Variants in ADAMTS18 observed in about 807,000 individuals in gnomAD.
ADAMTS18 encodes A disintegrin and metalloproteinase with thrombospondin motifs 18.
A neutral mutation model predicts 165.9 loss-of-function variants in ADAMTS18; 157 were observed. That is an observed-to-expected ratio of 0.95 (90% CI 0.83 to 1.08). The LOEUF is 1.08. Ranked by LOEUF, ADAMTS18 falls within the 50% of genes least tolerant of loss-of-function variation. The pLI, the probability that ADAMTS18 is intolerant of heterozygous loss-of-function variation, is 0.00. For synonymous variants in ADAMTS18, 782 were observed against 578.2 expected (o/e 1.35, Z -5.06); for missense variants, 2,040 against 1,534.0 (o/e 1.33, Z -5.51).
chr16:77,379,228 C>G (rs927110589), intron 3 of ADAMTS18, among the ~76,000 whole-genome samples: 1 of 152,074 alleles, frequency 6.6e-6, no homozygotes, highest in African/African-American at 2.4e-5. Flanking sequence ...TAAGGTTCAC[C>G]AATTCAAATG....
intron 10 of ADAMTS18, among the ~76,000 whole-genome samples, chr16:77,347,309 G>A (rs951544207): frequency 6.6e-6 from 1 of 152,132 alleles, no homozygotes; most frequent in Non-Finnish European, 1.5e-5. Context: ...ATTTCAGGTA[G>A]ATACCATGGA....
intron 8 of ADAMTS18, 79 bp from the exon 9 acceptor site, chr16:77,356,156 G>T (rs774923600): frequency 1.5e-4 from 230 of 1,584,540 alleles, no homozygotes; most frequent in Non-Finnish European, 1.9e-4. Flanking sequence ...GAATAAAGAT[G>T]TATTGATCAT....
intron 3 of ADAMTS18, among the ~76,000 whole-genome samples, chr16:77,394,243 G>C (rs1436569071): frequency 6.6e-6 from 1 of 152,160 alleles, no homozygotes; most frequent in African/African-American, 2.4e-5. Context: ...TTTGTTTATG[G>C]ACTATTCATT....
At chr16:77,430,254 T>A (rs546054671) in intron 3 of ADAMTS18, among the ~76,000 whole-genome samples, 21 of 152,330 alleles carry the variant, frequency 1.4e-4, no homozygotes, top group African/African-American at 4.8e-4. Flanking sequence ...GTGAGCCATG[T>A]TCATCATTTT....
chr16:77,340,373 C>T (rs1015610462), intron 11 of ADAMTS18, among the ~76,000 whole-genome samples: 1 of 152,102 alleles, frequency 6.6e-6, no homozygotes, highest in Non-Finnish European at 1.5e-5. Flanking sequence ...CAAGGTTTCA[C>T]CACGTTGGCC....
intron 8 of ADAMTS18, among the ~76,000 whole-genome samples, 155 bp from the exon 9 acceptor site, chr16:77,356,232 T>C (rs968597397): frequency 6.6e-6 from 1 of 152,184 alleles, no homozygotes; most frequent in Admixed American, 6.5e-5. Context: ...TACTATAGAT[T>C]GTTATAAAAT....
intron 3 of ADAMTS18, among the ~76,000 whole-genome samples, chr16:77,401,194 C>A (rs1333303682): frequency 6.6e-6 from 1 of 152,042 alleles, no homozygotes; most frequent in African/African-American, 2.4e-5. Flanking sequence ...ACAGAGGTTG[C>A]GGTGAGCCGA....
intron 19 of ADAMTS18, among the ~76,000 whole-genome samples, chr16:77,293,740 GAGATTCTCATA>G: frequency 6.7e-6 from 1 of 149,140 alleles, no homozygotes; most frequent in East Asian, 2.0e-4. Flanking sequence ...CATCACGCAT[GAGATTCTCATA>G]AGTAACATGC....
At chr16:77,418,331 TAG>T (rs2057556576) in intron 3 of ADAMTS18, among the ~76,000 whole-genome samples, 1 of 152,020 alleles carries the variant, frequency 6.6e-6, no homozygotes, top group Non-Finnish European at 1.5e-5. Flanking sequence ...TCGTAAAGAA[TAG>T]AGTTTGTGAT....
chr16:77,383,896 G>T (rs984798464), intron 3 of ADAMTS18, among the ~76,000 whole-genome samples: 4 of 152,076 alleles, frequency 2.6e-5, no homozygotes, highest in Non-Finnish European at 2.9e-5. Context: ...TGCTTCAAAG[G>T]TCACCTGTTC....
intron 3 of ADAMTS18, among the ~76,000 whole-genome samples, chr16:77,408,696 G>A (rs56065032): frequency 0.12 from 18,495 of 152,158 alleles, 1,418 homozygotes; most frequent in East Asian, 0.22. Flanking sequence ...TATGTCTGTG[G>A]AGTGAGACAA....
intron 22 of ADAMTS18, 68 bp from the exon 23 acceptor site, chr16:77,284,139 G>A: frequency 1.2e-6 from 1 of 823,196 alleles, no homozygotes; most frequent in Non-Finnish European, 1.8e-6. Context: ...TTTTTTTTTT[G>A]AGATGGAGTC....
intron 16 of ADAMTS18, among the ~76,000 whole-genome samples, chr16:77,301,953 T>C (rs796667839): frequency 3.8e-4 from 57 of 151,424 alleles, no homozygotes; most frequent in African/African-American, 1.3e-3. Flanking sequence ...AAAAAAATCT[T>C]GAAATCAAAG....
intron 3 of ADAMTS18, among the ~76,000 whole-genome samples, chr16:77,388,794 T>G (rs994998036): frequency 6.6e-6 from 1 of 152,214 alleles, no homozygotes; most frequent in East Asian, 1.9e-4. Context: ...AAACCTTGTA[T>G]ATTCTGGTCC....
At chr16:77,355,073 G>C (rs1044916235) in intron 9 of ADAMTS18, among the ~76,000 whole-genome samples, 1 of 152,192 alleles carries the variant, frequency 6.6e-6, no homozygotes, top group African/African-American at 2.4e-5. Flanking sequence ...ATAATACACA[G>C]TGGTACAGGT....
intron 3 of ADAMTS18, among the ~76,000 whole-genome samples, chr16:77,424,776 G>C (rs2057650337): frequency 6.6e-6 from 1 of 152,146 alleles, no homozygotes; most frequent in South Asian, 2.1e-4. Context: ...CAGTTTGTCT[G>C]TCTCACAAAA....
chr16:77,329,469 C>G (rs1013496239), intron 12 of ADAMTS18, among the ~76,000 whole-genome samples: 2 of 152,140 alleles, frequency 1.3e-5, no homozygotes, highest in Non-Finnish European at 2.9e-5. Context: ...CTTATTTAAC[C>G]TCCTCATTTG....
At chr16:77,331,290 A>G (rs1196546207) in intron 12 of ADAMTS18, among the ~76,000 whole-genome samples, 1 of 152,148 alleles carries the variant, frequency 6.6e-6, no homozygotes, top group Non-Finnish European at 1.5e-5. Flanking sequence ...TAGGTAATCT[A>G]TGTCTTTCTT....
intron 3 of ADAMTS18, among the ~76,000 whole-genome samples, chr16:77,376,152 C>T (rs1219366999): frequency 6.6e-6 from 1 of 152,166 alleles, no homozygotes; most frequent in Non-Finnish European, 1.5e-5. Context: ...ATCCACCCGC[C>T]TCAGACTCCC....
Sources: allele counts gnomAD v4.1 joint callset (sites outside exome capture counted in the v4.1 genomes callset), GRCh38; gene constraint gnomAD v4.1.1; transcripts MANE v1.5; gene names NCBI Gene and HGNC (gene_info 2026-07-23, HGNC 2026-07-21).